The following DSEL variants were observed in gnomAD, a reference collection of about 807,000 sequenced individuals.
DSEL encodes dermatan-sulfate epimerase-like protein.
DSEL carries 61 observed loss-of-function variants against 96.6 expected under a neutral mutation model. That is an observed-to-expected ratio of 0.63 (90% CI 0.51 to 0.78). DSEL has a LOEUF of 0.78. DSEL is among the 30% of genes least tolerant of loss of function. The pLI, the probability that DSEL is intolerant of heterozygous loss-of-function variation, is 0.00. For synonymous variants in DSEL, 514 were observed against 502.0 expected (o/e 1.02, Z -0.32); for missense variants, 1,320 against 1,430.8 (o/e 0.92, Z 1.25).
rs533243281 is a variant in DSEL at position 67,506,716 on chromosome 18, C to T, written c.*4254G>A. 65 of 151,886 alleles carry T rather than the reference C, an allele frequency of 4.3e-4. No individual in the cohort carries two copies. The highest frequency in any genetic ancestry group is 1.4e-3 in the African/African-American group (60 of 41,440). The allele number at this position is 151,886 out of a possible 1,614,324, so 9.4% of individuals were successfully genotyped here. ...ATAACGTATGAAGGAAAAACGACGA[C>T]GAACAAAAAATTAATTGCTTGGAAG... On this transcript the variant is annotated 3_prime_UTR_variant, in exon 2 of 2. Coordinates refer to ENST00000310045, the MANE Select transcript of DSEL (RefSeq NM_032160.3).
Position 67,514,921 on chromosome 18 carries a change from C to T in DSEL, c.-313G>A. ...CAGGTAAAAAACACTATGAATTTAG[C>T]ATTTACCTCCTTTACTTAAATCTAT... On this transcript the variant is annotated 5_prime_UTR_variant, in exon 2 of 2. The change abolishes an upstream ATG in the 5' untranslated region. Coordinates refer to ENST00000310045, the MANE Select transcript of DSEL (RefSeq NM_032160.3). 2.7e-6 allele frequency: 1 copy of T among 373,720 alleles called. No homozygotes were observed. Among genetic ancestry groups the T allele is most frequent in the East Asian group, 4.3e-5 (1 of 23,098 alleles). The allele number at this position is 373,720 out of a possible 1,614,324, so 23.2% of individuals were successfully genotyped here.
Position 67,514,542 on chromosome 18 carries a change from C to T in DSEL, c.67G>A (p.Glu23Lys). Residue 23 changes from glutamate to lysine, a missense_variant, in exon 2 of 2, where the codon GAG (glutamate) becomes AAG (lysine). This residue lies in a region of DSEL where 323 missense variants were observed against 333.1 expected (regional missense o/e 0.97). Coordinates refer to ENST00000310045, the MANE Select transcript of DSEL (RefSeq NM_032160.3). ...ALLMFAFSTF[E>K]ESVSNYSEWA... Reference sequence around the variant, plus strand: ...TCGGAATAATTGCTCACAGATTCCTCAAAAGTAGAGAAAGCAAACATCAAT... The same window carrying T: ...TCGGAATAATTGCTCACAGATTCCTTAAAAGTAGAGAAAGCAAACATCAAT... 1.2e-6 allele frequency: 2 copies of T among 1,614,118 alleles called. No individual in the cohort carries two copies. The highest frequency in any genetic ancestry group is 8.5e-7 in the Non-Finnish European group (1 of 1,180,010).
Position 67,512,381 on chromosome 18 carries a change from C to A in DSEL, c.2228G>T (p.Gly743Val). The A allele has an allele frequency of 1.9e-5, 31 of 1,614,184 alleles. No individual in the cohort carries two copies. Among genetic ancestry groups the A allele is most frequent in the Non-Finnish European group, 2.5e-5 (29 of 1,180,034 alleles). The change falls in exon 2 of 2, where the codon GGC (glycine) becomes GTC (valine). Residue 743 changes from glycine to valine, a missense_variant. By Grantham distance (109) the Gly-to-Val change is moderately radical. Transcript: ENST00000310045. Reference sequence around the variant, plus strand: ...GCCCAAACCAAATCGGGTTATTTGGCCTTGATCAGCCACACTGGCAAAGCC... The same window carrying A: ...GCCCAAACCAAATCGGGTTATTTGGACTTGATCAGCCACACTGGCAAAGCC... ...FGGFASVADQ[G>V]QITRFGLGTQ...
Position 67,511,041 on chromosome 18 carries a change from C to T in DSEL, c.3568G>A (p.Glu1190Lys). 2.5e-6 allele frequency: 4 copies of T among 1,612,928 alleles called. No individual in the cohort carries two copies. Among genetic ancestry groups the T allele is most frequent in the East Asian group, 2.2e-5 (1 of 44,866 alleles). The change falls in exon 2 of 2, where the codon GAA (glutamate) becomes AAA (lysine). Residue 1190 changes from glutamate to lysine, a missense_variant. Transcript: ENST00000310045. ...NVWKQNLPRD[E>K]IKLIENICWT... is the part of the protein sequence containing the mutation. The stretch of plus-strand genomic sequence containing the variant: ...CAGATGTTTTCAATTAGTTTAATTT[C>T]ATCTCTAGGCAAGTTCTGTTTCCAA...
rs760096067 is a variant in DSEL, at chr18:67,512,551, A to G, written c.2058T>C (p.Tyr686=). 22 of 1,614,092 alleles carry G rather than the reference A, an allele frequency of 1.4e-5. No homozygotes were observed. Among genetic ancestry groups the G allele is most frequent in the Non-Finnish European group, 1.7e-5 (20 of 1,180,026 alleles). Residue 686 remains tyrosine, a synonymous_variant, in exon 2 of 2, where the codon TAT becomes TAC. Coordinates refer to ENST00000310045, the MANE Select transcript of DSEL (RefSeq NM_032160.3). ...TRIAYVFYGP[Y]INVSSCRFID... ...TAAATCTGCAGCTGGAGACATTGAT[A>G]TATGGCCCATAAAAGACATATGCAA...
At position 67,513,784 on chromosome 18, in the gene DSEL, T is replaced by C. The variant is rs1448981776; in HGVS notation, c.825A>G (p.Glu275=). ...CTGTGTAGCTTCCATAGGCCACACC[T>C]TCATCCAAAGAACCATCAACAATAT... ...LNHIVDGSLD[E]GVAYGSYTAK... is the part of the protein sequence containing the mutation. Residue 275 remains glutamate (E), a synonymous_variant, in exon 2 of 2, where the codon GAA becomes GAG. Coordinates refer to ENST00000310045, the MANE Select transcript of DSEL (RefSeq NM_032160.3). 4 of 1,614,200 alleles carry C rather than the reference T, an allele frequency of 2.5e-6. No individual in the cohort carries two copies.
chr18:67,508,729 T>G lies in DSEL; in HGVS notation c.*2241A>C, dbSNP rs1345135634. 9.5e-6 allele frequency: 1 copy of G among 105,666 alleles called. No individual in the cohort carries two copies. Among genetic ancestry groups the G allele is most frequent in the African/African-American group, 3.5e-5 (1 of 28,892 alleles). 6.5% of individuals were successfully genotyped at this position (105,666 alleles called of 1,614,324 possible). ...CCTGCCAACAGGTACATTTCTTTTT[T>G]TCTTTTTTTTTTTTTTTTGAGGCGG... On this transcript the variant is annotated 3_prime_UTR_variant, in exon 2 of 2. Coordinates refer to ENST00000310045, the MANE Select transcript of DSEL (RefSeq NM_032160.3).
At position 67,512,600 on chromosome 18, in the gene DSEL, T is replaced by A; in HGVS notation, c.2009A>T (p.Gln670Leu). The part of the protein sequence containing the change: ...RWTQFVNVTF[Q>L]MEPTITRIAY... ...AATTCTTGTGATTGTGGGTTCCATC[T>A]GAAAAGTAACATTAACAAATTGAGT... Residue 670 changes from glutamine to leucine, a missense_variant, in exon 2 of 2, where the codon CAG becomes CTG. Gln to Leu is a moderately radical substitution (Grantham distance 113). This residue lies in a region of DSEL where 986 missense variants were observed against 1,066.4 expected (regional missense o/e 0.92). Transcript: ENST00000310045. 1 of 1,614,130 alleles carries A rather than the reference T, an allele frequency of 6.2e-7. No homozygotes were observed. The highest frequency in any genetic ancestry group is 1.3e-5 in the African/African-American group (1 of 75,048).
At position 67,514,843 on chromosome 18, in the gene DSEL, C is replaced by A; in HGVS notation, c.-235G>T. On this transcript the variant is annotated 5_prime_UTR_variant, in exon 2 of 2. Transcript: ENST00000310045. ...TGGCACAGTTTTGCTTCCAGTAAAA[C>A]TTTGAATAACGTTAAAATCTCTAAT... 2.0e-6 allele frequency: 1 copy of A among 504,650 alleles called. No individual in the cohort carries two copies. The highest frequency in any genetic ancestry group is 3.1e-5 in the East Asian group (1 of 32,542). 31.3% of individuals were successfully genotyped at this position (504,650 alleles called of 1,614,324 possible). A position where few individuals can be genotyped will look rare whatever the true frequency, so the allele number is the denominator to read the frequency against.
Position 67,516,072 on chromosome 18 carries a change from G to A in DSEL, c.-885+289C>T, listed in dbSNP as rs2144058607. Reference sequence around the variant, plus strand: ...GGAGCTCCGCGCTCGGCGCTCACCTGTGGCCGAGTCCCTGTCCTCAGGTGG... The same window carrying A: ...GGAGCTCCGCGCTCGGCGCTCACCTATGGCCGAGTCCCTGTCCTCAGGTGG... On this transcript the variant is annotated intron_variant, in intron 1 of 1. Transcript: ENST00000310045. The surrounding 1 kb of genome is among the most constrained non-coding windows in gnomAD (Gnocchi z 5.6). Among the ~76,000 whole-genome samples, 1 of 152,170 alleles carries A rather than the reference G, an allele frequency of 6.6e-6. No individual in the cohort carries two copies. Among genetic ancestry groups the A allele is most frequent in the African/African-American group, 2.4e-5 (1 of 41,532 alleles).
In DSEL at chr18:67,512,842, C is replaced by T; in HGVS notation, c.1767G>A (p.Arg589=). The T allele has an allele frequency of 6.2e-7, 1 of 1,613,968 alleles. No individual in the cohort carries two copies. Among genetic ancestry groups the T allele is most frequent in the Non-Finnish European group, 8.5e-7 (1 of 1,180,018 alleles). The change falls in exon 2 of 2, where the codon AGG becomes AGA. Residue 589 remains arginine, a synonymous_variant. Transcript: ENST00000310045. ...QTLLVVDHIE[R]QEDSPINSVS... ...CAGAATTTATTGGGGAATCTTCTTG[C>T]CTCTCAATATGATCAACAACTAGCA...
rs1407074670 is a variant in DSEL at position 67,511,623 on chromosome 18, G to T, written c.2986C>A (p.Pro996Thr). Residue 996 changes from proline to threonine, a missense_variant, in exon 2 of 2, where the codon CCA (proline) becomes ACA (threonine). Physicochemically the swap from Pro to Thr is conservative, Grantham distance 38. Around this residue, in one of 3 missense-constraint regions of DSEL, gnomAD observed 986 missense variants for 1,066.4 expected, o/e 0.92. Transcript: ENST00000310045. ...RALRRHLVYY[P>T]SARPVLSLSS... is the part of the protein sequence containing the mutation. The stretch of plus-strand genomic sequence containing the variant: ...AAACTGAGCACAGGACGTGCACTTG[G>T]ATAGTAAACCAGGTGTCTCCTCAAA... 2 of 1,614,002 alleles carry T rather than the reference G, an allele frequency of 1.2e-6. No individual in the cohort carries two copies. Among genetic ancestry groups the T allele is most frequent in the Non-Finnish European group, 1.7e-6 (2 of 1,180,036 alleles).
In DSEL at chr18:67,514,368, C is replaced by T. The variant is rs2144055141; in HGVS notation, c.241G>A (p.Ala81Thr). 1 of 1,614,162 alleles carries T rather than the reference C, an allele frequency of 6.2e-7. No individual in the cohort carries two copies. Among genetic ancestry groups the T allele is most frequent in the Middle Eastern group, 1.6e-4 (1 of 6,062 alleles). The part of the protein sequence containing the change: ...EIQAMRQKSR[A>T]SHLHLFRAIR... The stretch of plus-strand genomic sequence containing the variant: ...GCTCTAAAAAGATGCAAATGGCTTG[C>T]ACGAGACTTTTGTCTCATTGCTTGG... Residue 81 changes from alanine to threonine, a missense_variant, in exon 2 of 2, where the codon GCA becomes ACA. Physicochemically the swap from Ala to Thr is moderately conservative, Grantham distance 58. Coordinates refer to ENST00000310045, the MANE Select transcript of DSEL (RefSeq NM_032160.3).
rs966413323 is a variant in DSEL, at chr18:67,508,381, A to G, written c.*2589T>C. 2.0e-5 allele frequency: 3 copies of G among 152,212 alleles called. No homozygotes were observed. The highest frequency in any genetic ancestry group is 7.2e-5 in the African/African-American group (3 of 41,430). 9.4% of individuals were successfully genotyped at this position (152,212 alleles called of 1,614,324 possible). ...GGATGTGTCACCCGCTCACCCATAC[A>G]TAACATTCCTTACAGAACAATCTGT... On this transcript the variant is annotated 3_prime_UTR_variant, in exon 2 of 2. Transcript: ENST00000310045.
At position 67,511,670 on chromosome 18, in the gene DSEL, C is replaced by CT. The variant is rs757350593; in HGVS notation, c.2938dup (p.Arg980LysfsTer4). The CT allele has an allele frequency of 4.3e-6, 7 of 1,614,172 alleles. No individual in the cohort carries two copies. Among genetic ancestry groups the CT allele is most frequent in the African/African-American group, 1.3e-5 (1 of 75,052 alleles). ...CAAAGCCCTAATATATTCAGCATCT[C>CT]TATCAAAGGCGCCTTTCATTTGACT... On this transcript the variant is annotated frameshift_variant, in exon 2 of 2. Transcript: ENST00000310045. LOFTEE classifies it high-confidence loss of function.
In DSEL at chr18:67,511,347, A is replaced by C. The variant is rs760072414; in HGVS notation, c.3262T>G (p.Leu1088Val). The C allele has an allele frequency of 3.7e-6, 6 of 1,604,498 alleles. No homozygotes were observed. The East Asian group carries it at 1.3e-4, about 36-fold the overall frequency. Residue 1088 changes from leucine (L) to valine (V), a missense_variant, in exon 2 of 2, where the codon TTA (leucine) becomes GTA (valine). Leu to Val is a conservative substitution (Grantham distance 32). Coordinates refer to ENST00000310045, the MANE Select transcript of DSEL (RefSeq NM_032160.3). Reference protein sequence around the residue: ...AFEYEPLRKELSKSKSNAVSL... With the variant: ...AFEYEPLRKEVSKSKSNAVSL... Reference sequence around the variant, plus strand: ...ACTGCATTTGATTTGGATTTTGATAATTCTTTCCTCAATGGTTCATACTCG... The same window carrying C: ...ACTGCATTTGATTTGGATTTTGATACTTCTTTCCTCAATGGTTCATACTCG...
chr18:67,512,159 A>C lies in DSEL; in HGVS notation c.2450T>G (p.Leu817Trp). 6.2e-7 allele frequency: 1 copy of C among 1,614,236 alleles called. No homozygotes were observed. Among genetic ancestry groups the C allele is most frequent in the Non-Finnish European group, 8.5e-7 (1 of 1,180,054 alleles). ...LVIALWFIEL[L>W]DVWSTCSQPI... Reference sequence around the variant, plus strand: ...CTGACTACAAGTGCTCCACACATCCAAAAGCTCAATAAACCACAAGGCAAT... The same window carrying C: ...CTGACTACAAGTGCTCCACACATCCCAAAGCTCAATAAACCACAAGGCAAT... The change falls in exon 2 of 2, where the codon TTG becomes TGG. Residue 817 changes from leucine to tryptophan, a missense_variant. Physicochemically the swap from Leu to Trp is moderately conservative, Grantham distance 61. Transcript: ENST00000310045.
rs2144050391 is a variant in DSEL at position 67,512,120 on chromosome 18, T to G, written c.2489A>C (p.Lys830Thr). Reference sequence around the variant, plus strand: ...TCCCTCAGCCTCTGTCCTTGTCCATTTTGCACAAATGGGCTGACTACAAGT... The same window carrying G: ...TCCCTCAGCCTCTGTCCTTGTCCATGTTGCACAAATGGGCTGACTACAAGT... ...WSTCSQPICAKWTRTEAEGSK... is the reference protein window; with the variant it reads ...WSTCSQPICATWTRTEAEGSK... The change falls in exon 2 of 2, where the codon AAA (lysine) becomes ACA (threonine). Residue 830 changes from lysine (K) to threonine (T), a missense_variant. Transcript: ENST00000310045. The G allele has an allele frequency of 6.2e-7, 1 of 1,614,118 alleles. No individual in the cohort carries two copies. Among genetic ancestry groups the G allele is most frequent in the South Asian group, 1.1e-5 (1 of 91,074 alleles).
rs1475417329 is a variant in DSEL, at chr18:67,516,088, C to T, written c.-885+273G>A. Among the ~76,000 whole-genome samples the T allele has an allele frequency of 6.6e-6, 1 of 152,060 alleles. No homozygotes were observed. Among genetic ancestry groups the T allele is most frequent in the Non-Finnish European group, 1.5e-5 (1 of 67,998 alleles). ...CGCTCACCTGTGGCCGAGTCCCTGT[C>T]CTCAGGTGGAGCCGCCAGAGGGAGC... is the stretch of plus-strand genomic sequence containing the variant. On this transcript the variant is annotated intron_variant, in intron 1 of 1. Coordinates refer to ENST00000310045, the MANE Select transcript of DSEL (RefSeq NM_032160.3). The surrounding 1 kb of genome is among the most constrained non-coding windows in gnomAD (Gnocchi z 5.6).
Sources: gnomAD v4.1 joint callset for allele counts (sites outside exome capture counted in the v4.1 genomes callset) on GRCh38, gnomAD v4.1.1 for gene constraint, gnomAD v4.1.1 regional missense constraint, Gnocchi (gnomAD v3.1) non-coding constraint, MANE v1.5 for transcripts, NCBI Gene and HGNC (gene_info 2026-07-23, HGNC 2026-07-21) for gene names.